The following SIK2 variants were observed in gnomAD, a reference collection of about 807,000 sequenced individuals.
SIK2 encodes serine/threonine-protein kinase SIK2.
In SIK2, 29 loss-of-function variants were observed where a neutral mutation model predicts 103.2. The ratio of observed to expected loss-of-function variants is 0.28; its 90% confidence interval spans 0.21 to 0.38. The LOEUF is 0.38. Ranked by LOEUF, SIK2 falls within the 10% of genes least tolerant of loss-of-function variation. The probability of loss-of-function intolerance (pLI) is 1.00; values close to 1 mark genes in which losing one functional copy is unlikely to be tolerated. For missense variants in SIK2, 879 were observed against 1,171.0 expected (o/e 0.75, Z 3.64); for synonymous variants, 412 against 446.1 (o/e 0.92, Z 0.96).
intron 3 of SIK2, among the ~76,000 whole-genome samples, chr11:111,674,791 G>A (rs1942680824): frequency 2.0e-5 from 3 of 151,396 alleles, no homozygotes; most frequent in Admixed American, 1.3e-4. Context: ...CTGTCACCCA[G>A]GCTGGAATGC....
intron 3 of SIK2, among the ~76,000 whole-genome samples, chr11:111,621,892 A>G (rs521947): frequency 0.59 from 90,208 of 151,704 alleles, 29,972 homozygotes; most frequent in East Asian, 0.96. Context: ...TAGCCTGGGC[A>G]ACAGAGTGAG....
At chr11:111,711,847 ATTCT>A (rs1437585837) in intron 8 of SIK2, among the ~76,000 whole-genome samples, 1 of 152,196 alleles carries the variant, frequency 6.6e-6, no homozygotes, top group African/African-American at 2.4e-5. Flanking sequence ...AGATTTTTCT[ATTCT>A]TTATCTGTCT....
intron 1 of SIK2, among the ~76,000 whole-genome samples, chr11:111,612,022 C>G (rs1367279564): frequency 6.6e-6 from 1 of 151,968 alleles, no homozygotes; most frequent in African/African-American, 2.4e-5. Flanking sequence ...TTCTTACATA[C>G]CTATTAAATT....
intron 3 of SIK2, among the ~76,000 whole-genome samples, chr11:111,677,584 A>AG (rs1942720231): frequency 1.1e-5 from 1 of 90,716 alleles, no homozygotes; most frequent in African/African-American, 4.3e-5. Context: ...TGCCCAGCTA[A>AG]AATTTTTTTT....
At position 111,721,909 on chromosome 11, in the gene SIK2, T is replaced by G; in HGVS notation, c.2024T>G (p.Leu675Arg). The change falls in exon 13 of 15, where the codon CTG (leucine) becomes CGG (arginine). Residue 675 changes from leucine to arginine, a missense_variant. Coordinates refer to ENST00000304987, the MANE Select transcript of SIK2 (RefSeq NM_015191.3). ...CCCCAGCTGTCCCCACGGCAGAGCC[T>G]GGAGACCCAGTACCTGCAGCACAGA... The part of the protein sequence containing the change: ...VHPQLSPRQS[L>R]ETQYLQHRLQ... 2 of 1,611,242 alleles carry G rather than the reference T, an allele frequency of 1.2e-6. No homozygotes were observed. The highest frequency in any genetic ancestry group is 1.7e-6 in the Non-Finnish European group (2 of 1,178,564).
intron 3 of SIK2, among the ~76,000 whole-genome samples, chr11:111,645,305 AAAC>A (rs1942240264): frequency 6.6e-6 from 1 of 152,220 alleles, no homozygotes; most frequent in African/African-American, 2.4e-5. Flanking sequence ...TCAAAACTGG[AAAC>A]AACAAAATGT....
At chr11:111,670,212 T>A (rs1591608915) in intron 3 of SIK2, among the ~76,000 whole-genome samples, 1 of 152,202 alleles carries the variant, frequency 6.6e-6, no homozygotes, top group Non-Finnish European at 1.5e-5. Flanking sequence ...TGCTGCCACT[T>A]TTGCGCCTTT....
intron 2 of SIK2, among the ~76,000 whole-genome samples, chr11:111,619,426 A>G (rs1477820566): frequency 2.6e-5 from 4 of 151,958 alleles, no homozygotes; most frequent in Non-Finnish European, 4.4e-5. Context: ...CATAGTTTTC[A>G]TCTGTCGCCC....
intron 4 of SIK2, among the ~76,000 whole-genome samples, chr11:111,692,215 G>A (rs1942957448): frequency 4.6e-5 from 7 of 151,732 alleles, no homozygotes; most frequent in Admixed American, 3.3e-4. Flanking sequence ...GCCAGGAATG[G>A]CAGCATGCGC....
Position 111,701,149 on chromosome 11 carries a change from A to C in SIK2, c.603+139A>C. ...CCCATCCACTGGACTATAATTACTC[A>C]GAGCATCTTGAAATGGATCCCTAGG... is the stretch of plus-strand genomic sequence containing the variant. On this transcript the variant is annotated intron_variant, in intron 5 of 14. Coordinates refer to ENST00000304987, the MANE Select transcript of SIK2 (RefSeq NM_015191.3). This position sits in a 1 kb window ranked among gnomAD's most constrained non-coding sequence, Gnocchi z 4.2. The C allele has an allele frequency of 8.4e-7, 1 of 1,186,082 alleles. No individual in the cohort carries two copies. The highest frequency in any genetic ancestry group is 1.1e-6 in the Non-Finnish European group (1 of 869,624). The allele number at this position is 1,186,082 out of a possible 1,614,324, so 73.5% of individuals were successfully genotyped here.
intron 3 of SIK2, among the ~76,000 whole-genome samples, chr11:111,661,380 G>A (rs184692589): frequency 9.9e-5 from 15 of 152,266 alleles, no homozygotes; most frequent in Non-Finnish European, 2.2e-4. Context: ...GAGCACTAAA[G>A]ACAGCTGTCT....
At position 111,641,288 on chromosome 11, in the gene SIK2, A is replaced by G. The variant is rs141703626; in HGVS notation, c.316+20886A>G. Among the ~76,000 whole-genome samples, 243 of 152,284 alleles carry G rather than the reference A, an allele frequency of 1.6e-3. 2 individuals are homozygous for G. The highest frequency in any genetic ancestry group is 5.4e-3 in the African/African-American group (225 of 41,552). On this transcript the variant is annotated intron_variant, in intron 3 of 14. Transcript: ENST00000304987. Reference sequence around the variant, plus strand: ...CCTCAAATCCATAACCTGAGCCTTTACGTTTCCCTAAATTCCAGGTCCCTA... The same window carrying G: ...CCTCAAATCCATAACCTGAGCCTTTGCGTTTCCCTAAATTCCAGGTCCCTA...
At chr11:111,664,547 C>T (rs1942509383) in intron 3 of SIK2, among the ~76,000 whole-genome samples, 1 of 152,094 alleles carries the variant, frequency 6.6e-6, no homozygotes, top group East Asian at 1.9e-4. Flanking sequence ...ACCTGGGAGG[C>T]GAAGGTTGCA....
chr11:111,645,829 A>T (rs1335403331), intron 3 of SIK2, among the ~76,000 whole-genome samples: 1 of 151,828 alleles, frequency 6.6e-6, no homozygotes, highest in African/African-American at 2.4e-5. Context: ...ACAAAGAAGC[A>T]ACTACCATAA....
In SIK2 at chr11:111,720,489, T is replaced by C. The variant is rs780065873; in HGVS notation, c.1507T>C (p.Ser503Pro). 3 of 1,599,366 alleles carry C rather than the reference T, an allele frequency of 1.9e-6. No homozygotes were observed. In the South Asian group the frequency reaches 3.4e-5, roughly 18 times the overall value. The stretch of plus-strand genomic sequence containing the variant: ...GTTTTCTCTTAAAGGGAAAATTTTC[T>C]CCATGAATGACAGCCCCTCCCTTGA... Reference protein sequence around the residue: ...VVMPGAGKIFSMNDSPSLDSV... With the variant: ...VVMPGAGKIFPMNDSPSLDSV... The change falls in exon 11 of 15, where the codon TCC becomes CCC. Residue 503 changes from serine to proline, a missense_variant. By Grantham distance (74) the Ser-to-Pro change is moderately conservative. Coordinates refer to ENST00000304987, the MANE Select transcript of SIK2 (RefSeq NM_015191.3).
At chr11:111,680,714 G>A (rs2135887688) in intron 3 of SIK2, among the ~76,000 whole-genome samples, 1 of 152,282 alleles carries the variant, frequency 6.6e-6, no homozygotes, top group African/African-American at 2.4e-5. Context: ...ATGCTGGGAA[G>A]GCTGCCTCTT....
At position 111,652,924 on chromosome 11, in the gene SIK2, G is replaced by A. The variant is rs185996521; in HGVS notation, c.316+32522G>A. Among the ~76,000 whole-genome samples, 136 of 152,300 alleles carry A rather than the reference G, an allele frequency of 8.9e-4. 1 individual carries two copies. The highest frequency in any genetic ancestry group is 3.2e-3 in the African/African-American group (132 of 41,564). On this transcript the variant is annotated intron_variant, in intron 3 of 14. Coordinates refer to ENST00000304987, the MANE Select transcript of SIK2 (RefSeq NM_015191.3). ...ACCCATGTTCTTAACCATTATAATGGTGTTTCTCAAAGTATGTTTTGTAGA... is the reference window on the plus strand; with the variant it reads ...ACCCATGTTCTTAACCATTATAATGATGTTTCTCAAAGTATGTTTTGTAGA...
chr11:111,727,468 T>C lies in SIK2; in HGVS notation c.*3339T>C. The C allele has an allele frequency of 5.1e-6, 1 of 196,198 alleles. No homozygotes were observed. The highest frequency in any genetic ancestry group is 1.1e-5 in the Non-Finnish European group (1 of 94,652). 12.2% of individuals were successfully genotyped at this position (196,198 alleles called of 1,614,324 possible). Reference sequence around the variant, plus strand: ...AGCCAGCCCTTGCCTCTTGTGTCCCTTCCCAACTCTGGTGCTGGAGTAATG... The same window carrying C: ...AGCCAGCCCTTGCCTCTTGTGTCCCCTCCCAACTCTGGTGCTGGAGTAATG... On this transcript the variant is annotated 3_prime_UTR_variant, in exon 15 of 15. Coordinates refer to ENST00000304987, the MANE Select transcript of SIK2 (RefSeq NM_015191.3).
chr11:111,688,168 T>TG lies in SIK2; in HGVS notation c.478+9dup, dbSNP rs747474767. On this transcript the variant is annotated splice_region_variant and intron_variant, in intron 4 of 14. Transcript: ENST00000304987. The surrounding 1 kb of genome is among the most constrained non-coding windows in gnomAD (Gnocchi z 4.2). ...CATGAATATCAAAATAGCAGGTAAC[T>TG]GGGACACAACTGGCTCTAATAAGAT... is the stretch of plus-strand genomic sequence containing the variant. 1 of 1,614,094 alleles carries TG rather than the reference T, an allele frequency of 6.2e-7. No individual in the cohort carries two copies. Among genetic ancestry groups the TG allele is most frequent in the East Asian group, 2.2e-5 (1 of 44,874 alleles).
Sources: gnomAD v4.1 joint callset for allele counts (sites outside exome capture counted in the v4.1 genomes callset) on GRCh38, gnomAD v4.1.1 for gene constraint, Gnocchi (gnomAD v3.1) non-coding constraint, MANE v1.5 for transcripts, NCBI Gene and HGNC (gene_info 2026-07-23, HGNC 2026-07-21) for gene names.